Variants in XRN1 observed in about 807,000 individuals in gnomAD.
XRN1 encodes strand-exchange protein 1 homolog.
A neutral mutation model predicts 222.3 loss-of-function variants in XRN1; 67 were observed. That is an observed-to-expected ratio of 0.30 (90% CI 0.25 to 0.37). XRN1 has a LOEUF of 0.37. Among genes scored for constraint, XRN1 ranks in the 10% least tolerant of loss-of-function variants. The pLI is 1.00. For missense variants in XRN1, 1,707 were observed against 2,000.2 expected, an observed-to-expected ratio of 0.85 and a Z score of 2.80; for synonymous variants, 643 against 652.4, an observed-to-expected ratio of 0.99 and a Z score of 0.22.
intron 18 of XRN1, 117 bp from the exon 19 acceptor site, chr3:142,400,664 G>A (rs570596833): frequency 9.7e-6 from 7 of 720,160 alleles, no homozygotes; most frequent in South Asian, 8.5e-5. Context: ...AACAAGTTGG[G>A]GCCGGGTGCA....
intron 20 of XRN1, among the ~76,000 whole-genome samples, chr3:142,391,750 ATATATATAT>A (rs1437511135): frequency 1.6e-5 from 1 of 64,158 alleles, no homozygotes; most frequent in Non-Finnish European, 3.5e-5. Flanking sequence ...AAAAAAAAAA[ATATATATAT>A]ATATATATAT....
chr3:142,340,286 C>T (rs1288223987), intron 33 of XRN1, among the ~76,000 whole-genome samples: 4 of 151,794 alleles, frequency 2.6e-5, no homozygotes, highest in African/African-American at 7.3e-5. Flanking sequence ...ACCCAGGAGG[C>T]GGAGGTAGCG....
chr3:142,420,019 A>C (rs2068944738), intron 10 of XRN1, among the ~76,000 whole-genome samples: 1 of 152,214 alleles, frequency 6.6e-6, no homozygotes, highest in Non-Finnish European at 1.5e-5. Context: ...GGCTGGCACA[A>C]AAGTAATTGT....
chr3:142,353,162 G>A (rs1030204921), intron 32 of XRN1, among the ~76,000 whole-genome samples: 10 of 152,156 alleles, frequency 6.6e-5, no homozygotes, highest in Non-Finnish European at 1.0e-4. Context: ...GAAAAAGTAA[G>A]TTGTTAAATG....
intron 36 of XRN1, among the ~76,000 whole-genome samples, chr3:142,330,976 C>T (rs908988299): frequency 2.0e-5 from 3 of 151,990 alleles, no homozygotes; most frequent in Non-Finnish European, 4.4e-5. Context: ...GCCACCACAC[C>T]CGGCTAATTT....
At chr3:142,412,502 T>C (rs181467572) in intron 15 of XRN1, 42 bp downstream of exon 15, 2 of 1,508,896 alleles carry the variant, frequency 1.3e-6, no homozygotes, top group Admixed American at 1.8e-5. Flanking sequence ...TAGTCTCTGA[T>C]TAAGAATGTA....
chr3:142,379,411 A>AG (rs899219202), intron 23 of XRN1, among the ~76,000 whole-genome samples: 7 of 152,248 alleles, frequency 4.6e-5, no homozygotes, highest in African/African-American at 7.2e-5. Flanking sequence ...AAGTTTTCTC[A>AG]GAAGCTACTG....
chr3:142,380,076 A>T lies in XRN1; in HGVS notation c.2715+6T>A. 1 of 1,610,438 alleles carries T rather than the reference A, an allele frequency of 6.2e-7. No individual in the cohort carries two copies. The highest frequency in any genetic ancestry group is 8.5e-7 in the Non-Finnish European group (1 of 1,177,518). On this transcript the variant is annotated splice_donor_region_variant and intron_variant, in intron 23 of 40. Coordinates refer to ENST00000392981, the MANE Select transcript of XRN1 (RefSeq NM_001282857.2). ...TAAATGAAACAATACAAACTACTGT[A>T]CTCACATGCTGGTTCTGTATTAAAG...
At chr3:142,371,446 A>T (rs980224419) in intron 25 of XRN1, 118 bp from the exon 26 acceptor site, 9 of 707,828 alleles carry the variant, frequency 1.3e-5, no homozygotes, top group Non-Finnish European at 2.1e-5. Flanking sequence ...GACTACTATA[A>T]TATTAATAAG....
intron 20 of XRN1, among the ~76,000 whole-genome samples, chr3:142,393,273 G>T (rs2107987441): frequency 6.7e-6 from 1 of 150,092 alleles, no homozygotes; most frequent in Admixed American, 6.6e-5. Context: ...CATTTTGTAG[G>T]TCGCCTGTTC....
At chr3:142,442,923 CG>C (rs1300057384) in intron 1 of XRN1, among the ~76,000 whole-genome samples, 2 of 151,986 alleles carry the variant, frequency 1.3e-5, no homozygotes, top group Admixed American at 6.5e-5. Flanking sequence ...TTAGTAGAGA[CG>C]GGGTTTCACC....
At chr3:142,416,078 C>CT (rs1375755573) in intron 13 of XRN1, among the ~76,000 whole-genome samples, 1 of 151,896 alleles carries the variant, frequency 6.6e-6, no homozygotes, top group Non-Finnish European at 1.5e-5. Context: ...GAACGAGACT[C>CT]TGTCTCAAAA....
chr3:142,399,208 C>T (rs1242139156), intron 19 of XRN1, among the ~76,000 whole-genome samples: 2 of 88,102 alleles, frequency 2.3e-5, no homozygotes, highest in Admixed American at 2.5e-4. Context: ...TATGAAAAGG[C>T]AAAGGACCTA....
intron 32 of XRN1, among the ~76,000 whole-genome samples, chr3:142,348,775 C>A (rs983623765): frequency 6.6e-6 from 1 of 152,120 alleles, no homozygotes; most frequent in Non-Finnish European, 1.5e-5. Flanking sequence ...GACAGAAACA[C>A]TCAAGACTCT....
intron 39 of XRN1, among the ~76,000 whole-genome samples, chr3:142,316,209 ATCT>A (rs1162378237): frequency 2.2e-5 from 3 of 134,126 alleles, no homozygotes; most frequent in African/African-American, 8.4e-5. Context: ...GTTAGTCATT[ATCT>A]TCTTTTTTTT....
intron 1 of XRN1, among the ~76,000 whole-genome samples, chr3:142,434,318 T>C (rs1011950031): frequency 6.6e-6 from 1 of 151,928 alleles, no homozygotes; most frequent in Non-Finnish European, 1.5e-5. Context: ...GATAATTTCA[T>C]ATCTTTTTCA....
At chr3:142,312,111 C>T (rs902515850) in intron 40 of XRN1, among the ~76,000 whole-genome samples, 2 of 151,862 alleles carry the variant, frequency 1.3e-5, no homozygotes, top group Non-Finnish European at 2.9e-5. Context: ...CCCATCTCTA[C>T]AAAAAAATTA....
chr3:142,394,955 G>C (rs1239366873), intron 20 of XRN1, among the ~76,000 whole-genome samples: 4 of 152,138 alleles, frequency 2.6e-5, no homozygotes, highest in Non-Finnish European at 5.9e-5. Flanking sequence ...ATGTTTATAG[G>C]AAAAGAATAT....
chr3:142,382,916 G>A (rs2067354703), intron 22 of XRN1, among the ~76,000 whole-genome samples: 1 of 151,930 alleles, frequency 6.6e-6, no homozygotes, highest in Non-Finnish European at 1.5e-5. Flanking sequence ...ATATTTGCAT[G>A]TACCTTTTTC....
Sources: allele counts gnomAD v4.1 joint callset (sites outside exome capture counted in the v4.1 genomes callset), GRCh38; gene constraint gnomAD v4.1.1; transcripts MANE v1.5; gene names NCBI Gene and HGNC (gene_info 2026-07-23, HGNC 2026-07-21).